The following COPB2 variants were observed in gnomAD, a reference collection of about 807,000 sequenced individuals.
COPB2 encodes the protein coatomer subunit beta'.
COPB2 carries 16 observed loss-of-function variants against 120.8 expected under a neutral mutation model. The observed-to-expected ratio is 0.13, with a 90% CI of 0.09 to 0.20. The LOEUF (loss-of-function observed/expected upper bound fraction) is 0.20, where lower values mean the gene tolerates loss of function less well. Among genes scored for constraint, COPB2 ranks in the 10% least tolerant of loss-of-function variants. The pLI, the probability that COPB2 is intolerant of heterozygous loss-of-function variation, is 1.00. For synonymous variants in COPB2, 332 were observed against 366.3 expected, an observed-to-expected ratio of 0.91 and a Z score of 1.07; for missense variants, 794 against 1,076.5, an observed-to-expected ratio of 0.74 and a Z score of 3.67.
In COPB2 at chr3:139,357,574, G is replaced by T; in HGVS notation, c.*289C>A. On this transcript the variant is annotated 3_prime_UTR_variant, in exon 22 of 22. Transcript: ENST00000333188. ...GAAGCCTATTTTCATTATTGAGAAA[G>T]GAAACAAGTACCTTCATTAATTCAA... 3.9e-6 allele frequency: 1 copy of T among 254,910 alleles called. No homozygotes were observed. 15.8% of individuals were successfully genotyped at this position (254,910 alleles called of 1,614,324 possible).
Position 139,369,511 on chromosome 3 carries a change from C to G in COPB2, c.1239G>C (p.Lys413Asn), listed in dbSNP as rs776069210. Residue 413 changes from lysine to asparagine, a missense_variant, in exon 11 of 22, where the codon AAG (lysine) becomes AAC (asparagine). By Grantham distance (94) the Lys-to-Asn change is moderately conservative. Around this residue, in one of 3 missense-constraint regions of COPB2, gnomAD observed 610 missense variants for 866.7 expected, o/e 0.70. Transcript: ENST00000333188. Reference sequence around the variant, plus strand: ...TTTTTTCCTTAAAGTTCTTAAATATCTTTACAATGCTGTTGCTCTCTCTTA... The same window carrying G: ...TTTTTTCCTTAAAGTTCTTAAATATGTTTACAATGCTGTTGCTCTCTCTTA... Reference protein sequence around the residue: ...YAIRESNSIVKIFKNFKEKKS... With the variant: ...YAIRESNSIVNIFKNFKEKKS... The G allele has an allele frequency of 6.2e-7, 1 of 1,611,864 alleles. No homozygotes were observed. The highest frequency in any genetic ancestry group is 8.5e-7 in the Non-Finnish European group (1 of 1,178,872).
At position 139,389,634 on chromosome 3, in the gene COPB2, C is replaced by G. The variant is rs920089341; in HGVS notation, c.-84G>C. ...ATAAACCCACCGATCCACTGACCGT[C>G]AGACTGACTGACGTGGAACTTCCGG... On this transcript the variant is annotated 5_prime_UTR_variant, in exon 1 of 22. Transcript: ENST00000333188. The G allele has an allele frequency of 2.9e-6, 4 of 1,385,974 alleles. No homozygotes were observed. The highest frequency in any genetic ancestry group is 4.0e-6 in the Non-Finnish European group (4 of 1,009,772). 85.9% of individuals were successfully genotyped at this position (1,385,974 alleles called of 1,614,324 possible).
Position 139,369,268 on chromosome 3 carries a change from G to A in COPB2, c.1394C>T (p.Pro465Leu). ...AATGGAGGGGAAACTCACATGTTTG[G>A]GCTGAATTTCAATTCTTCGTATGAG... ...TELIRRIEIQ[P>L]KHIFWSDSGE... The change falls in exon 12 of 22, where the codon CCC (proline) becomes CTC (leucine). Residue 465 changes from proline (P) to leucine (L), a missense_variant. Physicochemically the swap from Pro to Leu is moderately conservative, Grantham distance 98 (BLOSUM62 -3). Coordinates refer to ENST00000333188, the MANE Select transcript of COPB2 (RefSeq NM_004766.3). 2 of 1,606,052 alleles carry A rather than the reference G, an allele frequency of 1.2e-6. No individual in the cohort carries two copies. The highest frequency in any genetic ancestry group is 1.7e-6 in the Non-Finnish European group (2 of 1,175,268).
chr3:139,389,468 C>T, intron 1 of COPB2, 80 bp downstream of exon 1: 1 of 1,463,494 alleles, frequency 6.8e-7, no homozygotes, highest in South Asian at 1.4e-5. Context: ...CCACTGCTTA[C>T]CGCGGCCCTC....
chr3:139,375,158 T>G (rs1941691513), intron 6 of COPB2, among the ~76,000 whole-genome samples: 1 of 152,230 alleles, frequency 6.6e-6, no homozygotes. Flanking sequence ...ATTGTTGATC[T>G]GCTAGCTTAC....
intron 17 of COPB2, among the ~76,000 whole-genome samples, 187 bp from the exon 18 acceptor site, chr3:139,359,549 A>G (rs772161202): frequency 6.6e-6 from 1 of 152,212 alleles, no homozygotes; most frequent in South Asian, 2.1e-4. Flanking sequence ...GGGATAAGAC[A>G]GCTTTCCTGA....
intron 16 of COPB2, among the ~76,000 whole-genome samples, 154 bp from the exon 17 acceptor site, chr3:139,361,449 A>G (rs1407105705): frequency 6.6e-6 from 1 of 152,262 alleles, no homozygotes; most frequent in Non-Finnish European, 1.5e-5. Context: ...CAAAATGTAC[A>G]GTGAGGAAAT....
chr3:139,368,312 C>A lies in COPB2; in HGVS notation c.1402-24G>T, dbSNP rs1370832529. 4.4e-6 allele frequency: 7 copies of A among 1,596,994 alleles called. No homozygotes were observed. In the African/African-American group the frequency reaches 8.1e-5, roughly 18 times the overall value. On this transcript the variant is annotated intron_variant, in intron 12 of 21. Coordinates refer to ENST00000333188, the MANE Select transcript of COPB2 (RefSeq NM_004766.3). ...ATCTGCAACACAACAAAATCATAGA[C>A]AACTGATTTGGATTTCTGAGTGGAT...
At chr3:139,388,660 C>CTCTG (rs1402397162) in intron 1 of COPB2, among the ~76,000 whole-genome samples, 23 of 137,904 alleles carry the variant, frequency 1.7e-4, no homozygotes, top group African/African-American at 5.4e-4. Context: ...CGGAGTCTTG[C>CTCTG]TCTGTCCCAG....
At chr3:139,374,298 CGATGATGAT>C (rs59409399) in intron 7 of COPB2, 182 bp downstream of exon 7, 146 of 494,748 alleles carry the variant, frequency 3.0e-4, no homozygotes, top group Non-Finnish European at 4.6e-4. Flanking sequence ...AGAATGATGA[CGATGATGAT>C]GATGATGATG....
rs2107804102 is a variant in COPB2 at position 139,373,158 on chromosome 3, G to A, written c.1094+55C>T. The A allele has an allele frequency of 1.9e-6, 3 of 1,558,876 alleles. No individual in the cohort carries two copies. The South Asian group carries it at 3.3e-5, about 17-fold the overall frequency. ...CAGGGCAAGAGTGGACTGTGGATCT[G>A]CAAACCTGTTCTAACATACACAGAA... On this transcript the variant is annotated intron_variant, in intron 9 of 21. Transcript: ENST00000333188.
Position 139,362,415 on chromosome 3 carries a change from C to T in COPB2, c.1987G>A (p.Glu663Lys), listed in dbSNP as rs545960339. The T allele has an allele frequency of 2.5e-6, 4 of 1,607,556 alleles. No homozygotes were observed. Among genetic ancestry groups the T allele is most frequent in the African/African-American group, 1.3e-5 (1 of 74,886 alleles). ...CATGAATTAGTACATACCTCTGCTT[C>T]CACTGCTAACTGGTATGCAATTTTT... ...ELKIAYQLAV[E>K]AESEQKWKQL... Residue 663 changes from glutamate to lysine, a missense_variant, in exon 16 of 22, where the codon GAA becomes AAA. Glu to Lys is a moderately conservative substitution (Grantham distance 56). Transcript: ENST00000333188.
chr3:139,358,024 T>C, intron 21 of COPB2, 66 bp from the exon 22 acceptor site: 1 of 1,088,926 alleles, frequency 9.2e-7, no homozygotes, highest in Non-Finnish European at 1.3e-6. Flanking sequence ...ATCCGTGGGT[T>C]CATGATTCAA....
At chr3:139,377,884 C>T (rs1040743981) in intron 5 of COPB2, among the ~76,000 whole-genome samples, 157 bp downstream of exon 5, 1 of 152,172 alleles carries the variant, frequency 6.6e-6, no homozygotes, top group Non-Finnish European at 1.5e-5. Context: ...CAGAACATGT[C>T]GTTTGGATTA....
At chr3:139,385,511 G>C (rs1207467489) in intron 1 of COPB2, 1 of 152,102 alleles carries the variant, frequency 6.6e-6, no homozygotes, top group Non-Finnish European at 1.5e-5. Flanking sequence ...TAAATGCTAG[G>C]TAACATAATG....
At chr3:139,362,567 G>T in intron 15 of COPB2, 50 bp from the exon 16 acceptor site, 2 of 1,146,750 alleles carry the variant, frequency 1.7e-6, no homozygotes, top group Non-Finnish European at 2.4e-6. Flanking sequence ...AAAAATGTAT[G>T]TATGTTTTAT....
intron 6 of COPB2, among the ~76,000 whole-genome samples, chr3:139,375,090 TG>T (rs1941690625): frequency 6.6e-6 from 1 of 152,220 alleles, no homozygotes; most frequent in Non-Finnish European, 1.5e-5. Context: ...ATAGGAAGCA[TG>T]TTAACAAGAA....
At chr3:139,359,420 C>T (rs748230100) in intron 17 of COPB2, 58 bp from the exon 18 acceptor site, 13 of 1,498,762 alleles carry the variant, frequency 8.7e-6, no homozygotes, top group South Asian at 1.2e-5. Flanking sequence ...ATAATGGGTA[C>T]TTAACACAAA....
At chr3:139,387,908 C>T (rs539426512) in intron 1 of COPB2, among the ~76,000 whole-genome samples, 1 of 152,288 alleles carries the variant, frequency 6.6e-6, no homozygotes, top group East Asian at 1.9e-4. Flanking sequence ...ACTTCACAAA[C>T]ATATAACTCT....
Sources: allele counts gnomAD v4.1 joint callset (sites outside exome capture counted in the v4.1 genomes callset), GRCh38; gene constraint gnomAD v4.1.1; regional missense constraint gnomAD v4.1.1; transcripts MANE v1.5; gene names NCBI Gene and HGNC (gene_info 2026-07-23, HGNC 2026-07-21).